The following SYNPO variants were observed in gnomAD, a reference collection of about 807,000 sequenced individuals.
The protein encoded by SYNPO is synaptopodin.
SYNPO carries 19 observed loss-of-function variants against 49.5 expected under a neutral mutation model. The observed-to-expected ratio is 0.38, with a 90% confidence interval of 0.27 to 0.56. SYNPO has a LOEUF of 0.56. Among genes scored for constraint, SYNPO ranks in the 20% least tolerant of loss-of-function variants. The probability of loss-of-function intolerance (pLI) is 0.68; values close to 1 mark genes in which losing one functional copy is unlikely to be tolerated. For missense variants in SYNPO, 1,131 were observed against 1,248.3 expected (o/e 0.91, Z 1.42); for synonymous variants, 536 against 548.0 (o/e 0.98, Z 0.31).
At chr5:150,625,164 C>T (rs1757311803) in intron 2 of SYNPO, among the ~76,000 whole-genome samples, 1 of 152,202 alleles carries the variant, frequency 6.6e-6, no homozygotes, top group Admixed American at 6.5e-5. Flanking sequence ...GGAAGCTACC[C>T]TCCTGGGCTG....
intron 2 of SYNPO, chr5:150,653,691 G>T (rs888304098): frequency 6.6e-5 from 10 of 152,186 alleles, no homozygotes; most frequent in African/African-American, 2.4e-4. Context: ...AAACTGTGGG[G>T]TCTGCCTTCT....
intron 2 of SYNPO, among the ~76,000 whole-genome samples, chr5:150,622,663 T>C (rs1001012129): frequency 6.6e-6 from 1 of 152,208 alleles, no homozygotes; most frequent in African/African-American, 2.4e-5. Flanking sequence ...CAGAGGGACC[T>C]GTGTGCGTGT....
At chr5:150,607,092 C>G (rs1756715988) in intron 1 of SYNPO, among the ~76,000 whole-genome samples, 1 of 152,070 alleles carries the variant, frequency 6.6e-6, no homozygotes, top group South Asian at 2.1e-4. Context: ...CCAGTCCTTA[C>G]TGAGAGTCCT....
At chr5:150,604,870 C>A (rs1354490695) in intron 1 of SYNPO, among the ~76,000 whole-genome samples, 2 of 152,288 alleles carry the variant, frequency 1.3e-5, no homozygotes, top group East Asian at 3.9e-4. Flanking sequence ...AATGCGGAAG[C>A]AAATGATATG....
intron 1 of SYNPO, among the ~76,000 whole-genome samples, chr5:150,601,988 C>A (rs193169821): frequency 3.0e-4 from 46 of 152,332 alleles, no homozygotes; most frequent in Non-Finnish European, 5.7e-4. Flanking sequence ...CACTGTAGCC[C>A]TGGCAGGTGA....
Position 150,640,709 on chromosome 5 carries a change from C to T in SYNPO, c.-478C>T. ...TGTGGAGGAGAAAAGTCACATCCAG[C>T]TCCTTCATGTTGCTGCCGATGTGGG... is the stretch of plus-strand genomic sequence containing the variant. On this transcript the variant is annotated 5_prime_UTR_variant, in exon 1 of 3. Coordinates refer to ENST00000307662, the MANE Select transcript of SYNPO (RefSeq NM_007286.6). 1 of 985,582 alleles carries T rather than the reference C, an allele frequency of 1.0e-6. No individual in the cohort carries two copies. Among genetic ancestry groups the T allele is most frequent in the Non-Finnish European group, 1.2e-6 (1 of 829,934 alleles). The allele number at this position is 985,582 out of a possible 1,614,324, so 61.1% of individuals were successfully genotyped here. A position where few individuals can be genotyped will look rare whatever the true frequency, so the allele number is the denominator to read the frequency against.
intron 2 of SYNPO, among the ~76,000 whole-genome samples, chr5:150,630,117 C>A (rs116626855): frequency 6.6e-6 from 1 of 152,190 alleles, no homozygotes; most frequent in African/African-American, 2.4e-5. Flanking sequence ...CCTTTCTATT[C>A]CCCTGGCAGT....
At chr5:150,638,669 C>T (rs919979541), upstream of SYNPO, among the ~76,000 whole-genome samples, 3 of 152,112 alleles carry the variant, frequency 2.0e-5, no homozygotes, top group Non-Finnish European at 2.9e-5. Context: ...TTGTGGCGGG[C>T]CCAGAGTGTG....
intron 2 of SYNPO, among the ~76,000 whole-genome samples, chr5:150,622,133 G>A (rs968802024): frequency 2.6e-5 from 4 of 152,208 alleles, no homozygotes; most frequent in African/African-American, 4.8e-5. Flanking sequence ...TGCTAAATGC[G>A]CCATATGGAG....
intron 2 of SYNPO, among the ~76,000 whole-genome samples, chr5:150,627,940 C>T (rs1282815622): frequency 6.6e-6 from 1 of 151,998 alleles, no homozygotes; most frequent in East Asian, 1.9e-4. Flanking sequence ...GGAGCTCCAC[C>T]TGAGATCTGG....
chr5:150,621,990 A>G (rs940049891), intron 2 of SYNPO, among the ~76,000 whole-genome samples: 2 of 152,136 alleles, frequency 1.3e-5, no homozygotes, highest in Non-Finnish European at 2.9e-5. Context: ...GCGTTTCTTG[A>G]GATTGTTGTG....
At chr5:150,599,980 C>T (rs552758672), upstream of SYNPO, among the ~76,000 whole-genome samples, 7 of 152,222 alleles carry the variant, frequency 4.6e-5, no homozygotes, top group African/African-American at 1.7e-4. Context: ...ACCGAGGGAC[C>T]CTGCCTGGAG....
chr5:150,648,236 C>T lies in SYNPO; in HGVS notation c.-40C>T. Reference sequence around the variant, plus strand: ...CGGAGCCAGGCCCTCCACGGCACCCCAGTCCCCAGAGCCCCGACAGAGGGG... The same window carrying T: ...CGGAGCCAGGCCCTCCACGGCACCCTAGTCCCCAGAGCCCCGACAGAGGGG... On this transcript the variant is annotated 5_prime_UTR_variant, in exon 2 of 3. Transcript: ENST00000307662. This position sits in a 1 kb window ranked among gnomAD's most constrained non-coding sequence, Gnocchi z 5.0. 6.2e-7 allele frequency: 1 copy of T among 1,612,964 alleles called. No individual in the cohort carries two copies. The highest frequency in any genetic ancestry group is 8.5e-7 in the Non-Finnish European group (1 of 1,179,454).
chr5:150,605,906 T>C (rs1756681010), intron 1 of SYNPO, among the ~76,000 whole-genome samples: 1 of 151,462 alleles, frequency 6.6e-6, no homozygotes, highest in South Asian at 2.1e-4. Context: ...CACACACAGA[T>C]GCATACATAC....
Position 150,648,680 on chromosome 5 carries a change from C to T in SYNPO, c.405C>T (p.Ser135=). ...GCACAGGGCCTGCTTCCAAACCCAG[C>T]ACCCTGTGTGCTGATGGGCAACCCC... The part of the protein sequence containing the change: ...SNGTGPASKP[S]TLCADGQPQA... Residue 135 remains serine (S), a synonymous_variant, in exon 2 of 3, where the codon AGC becomes AGT. Coordinates refer to ENST00000307662, the MANE Select transcript of SYNPO (RefSeq NM_007286.6). This position sits in a 1 kb window ranked among gnomAD's most constrained non-coding sequence, Gnocchi z 5.0. The T allele has an allele frequency of 6.2e-7, 1 of 1,614,212 alleles. No homozygotes were observed. Among genetic ancestry groups the T allele is most frequent in the Non-Finnish European group, 8.5e-7 (1 of 1,180,040 alleles).
chr5:150,629,054 G>A (rs952771199), intron 2 of SYNPO, among the ~76,000 whole-genome samples: 7 of 152,204 alleles, frequency 4.6e-5, no homozygotes, highest in African/African-American at 1.7e-4. Flanking sequence ...AGTCTGACTC[G>A]GCCACCCAGG....
rs759029718 is a variant in SYNPO at position 150,650,072 on chromosome 5, G to A, written c.1797G>A (p.Val599=). ...CCAAGCCCAGCTCCTTGGACCTGGT[G>A]CCCAACCTGCCCAAGGGGGCTCTCC... The part of the protein sequence containing the change: ...SPAKPSSLDL[V]PNLPKGALPP... The change falls in exon 2 of 3, where the codon GTG becomes GTA. Residue 599 remains valine (V), a synonymous_variant. Transcript: ENST00000307662. The A allele has an allele frequency of 5.0e-6, 8 of 1,613,326 alleles. No homozygotes were observed. Among genetic ancestry groups the A allele is most frequent in the South Asian group, 1.1e-5 (1 of 91,086 alleles).
At chr5:150,647,296 G>A (rs1581507393) in intron 1 of SYNPO, among the ~76,000 whole-genome samples, 1 of 151,618 alleles carries the variant, frequency 6.6e-6, no homozygotes, top group East Asian at 1.9e-4. Flanking sequence ...GAGCTATGCT[G>A]TAGGTGAGGA....
chr5:150,644,658 C>T (rs1758024749), intron 1 of SYNPO, among the ~76,000 whole-genome samples: 1 of 152,178 alleles, frequency 6.6e-6, no homozygotes, highest in Non-Finnish European at 1.5e-5. Context: ...CAGTAACTTG[C>T]CAAGGTCACA....
Sources: gnomAD v4.1 joint callset for allele counts (sites outside exome capture counted in the v4.1 genomes callset) on GRCh38, gnomAD v4.1.1 for gene constraint, Gnocchi (gnomAD v3.1) non-coding constraint, MANE v1.5 for transcripts, NCBI Gene and HGNC (gene_info 2026-07-23, HGNC 2026-07-21) for gene names.